The following SP110 variants were observed in gnomAD, a reference collection of about 807,000 sequenced individuals.
SP110 encodes the protein SP110 nuclear body protein.
SP110 carries 62 observed loss-of-function variants against 92.7 expected under a neutral mutation model. That is an observed-to-expected ratio of 0.67 (90% CI 0.55 to 0.83). The LOEUF is 0.83. SP110 is among the 40% of genes least tolerant of loss of function. The probability of loss-of-function intolerance (pLI) is 0.00; values close to 1 mark genes in which losing one functional copy is unlikely to be tolerated. For missense variants in SP110, 793 were observed against 863.9 expected (o/e 0.92, Z 1.03); for synonymous variants, 273 against 305.3 (o/e 0.89, Z 1.10).
At chr2:230,185,318 C>G (rs765017635) in intron 11 of SP110, among the ~76,000 whole-genome samples, 2 of 152,146 alleles carry the variant, frequency 1.3e-5, no homozygotes, top group Non-Finnish European at 2.9e-5. Context: ...GGGCTGTAGA[C>G]TTCTGAGGAG....
intron 10 of SP110, among the ~76,000 whole-genome samples, chr2:230,187,319 T>G (rs2042403732): frequency 6.6e-6 from 1 of 152,186 alleles, no homozygotes; most frequent in African/African-American, 2.4e-5. Context: ...ATATGTCTAT[T>G]AATGTCATTT....
intron 12 of SP110, among the ~76,000 whole-genome samples, 176 bp downstream of exon 12, chr2:230,183,396 G>A (rs537689876): frequency 2.0e-5 from 3 of 152,188 alleles, no homozygotes; most frequent in Non-Finnish European, 2.9e-5. Flanking sequence ...CATGCACAAG[G>A]GGGTGGGTTA....
In SP110 at chr2:230,200,952, G is replaced by A. The variant is rs1241373815; in HGVS notation, c.1062C>T (p.Gly354=). 1 of 1,612,696 alleles carries A rather than the reference G, an allele frequency of 6.2e-7. No individual in the cohort carries two copies. The change falls in exon 10 of 19, where the codon GGC becomes GGT. Residue 354 remains glycine (G), a synonymous_variant. Transcript: ENST00000258381. ...TCTTTCCTTCATTCATTTCTGAAGT[G>A]CCATCAATGATCTCTGGAAAATGAA... ...RKSRSEEIID[G]TSEMNEGKRS...
At chr2:230,222,450 C>T (rs903475350), upstream of SP110, among the ~76,000 whole-genome samples, 54 of 152,136 alleles carry the variant, frequency 3.5e-4, no homozygotes, top group African/African-American at 1.2e-3. Flanking sequence ...CCTGGAGAGT[C>T]GCTTGTGCCT....
intron 1 of SP110, among the ~76,000 whole-genome samples, chr2:230,219,352 A>G (rs563528643): frequency 6.6e-6 from 1 of 152,382 alleles, no homozygotes; most frequent in Admixed American, 6.5e-5. Context: ...TGGGAAGGTC[A>G]ACAGGTCCAA....
At chr2:230,208,207 AG>A in intron 7 of SP110, 148 bp from the exon 8 acceptor site, 2 of 615,866 alleles carry the variant, frequency 3.2e-6, no homozygotes, top group Non-Finnish European at 5.8e-6. Flanking sequence ...AGGGAGTAAT[AG>A]GGGAAGAAGG....
rs768022644 is a variant in SP110 at position 230,171,739 on chromosome 2, T to C, written c.1844A>G (p.Tyr615Cys). ...LKCEFLLLKA[Y>C]CHPQSSFFTG... ...AAAAAAGGAGCTTTGTGGATGACAGTAGGCCTTCAAGAGGAGGAACTCACA... is the reference window on the plus strand; with the variant it reads ...AAAAAAGGAGCTTTGTGGATGACAGCAGGCCTTCAAGAGGAGGAACTCACA... Residue 615 changes from tyrosine (Y) to cysteine (C), a missense_variant, in exon 17 of 19, where the codon TAC becomes TGC. Tyr to Cys is a radical substitution (Grantham distance 194). Coordinates refer to ENST00000258381, the MANE Select transcript of SP110 (RefSeq NM_080424.4). 10 of 1,613,584 alleles carry C rather than the reference T, an allele frequency of 6.2e-6. No homozygotes were observed. The highest frequency in any genetic ancestry group is 8.5e-6 in the Non-Finnish European group (10 of 1,179,494).
rs2078362461 is a variant in SP110 at position 230,169,133 on chromosome 2, A to T, written c.2133T>A (p.Thr711=). ...TCTTTACAGAACAGGGTCAAGGAAG[A>T]GTCCAGAAACCGCCGTCATTGGCTT... ...FHEANDGGFW[T]LP is the part of the protein sequence containing the mutation. Residue 711 remains threonine, a synonymous_variant, in exon 19 of 19, where the codon ACT becomes ACA. Transcript: ENST00000258381. 1 of 1,606,808 alleles carries T rather than the reference A, an allele frequency of 6.2e-7. No individual in the cohort carries two copies. The highest frequency in any genetic ancestry group is 8.5e-7 in the Non-Finnish European group (1 of 1,173,558).
chr2:230,222,157 G>T (rs2045877285), upstream of SP110, among the ~76,000 whole-genome samples: 2 of 151,788 alleles, frequency 1.3e-5, no homozygotes, highest in African/African-American at 4.8e-5. Context: ...TTGAACTCAG[G>T]AGCTGGAGGT....
At chr2:230,172,719 G>A (rs113803091) in intron 15 of SP110, 125 bp downstream of exon 15, 3 of 667,902 alleles carry the variant, frequency 4.5e-6, no homozygotes, top group Non-Finnish European at 2.7e-6. Flanking sequence ...GAGACCCAGA[G>A]AGGCCCAGAG....
intron 8 of SP110, among the ~76,000 whole-genome samples, chr2:230,207,213 C>T (rs2043965268): frequency 6.6e-6 from 1 of 152,064 alleles, no homozygotes; most frequent in African/African-American, 2.4e-5. Flanking sequence ...CAGAAAAATC[C>T]ATCATTCTAC....
chr2:230,207,895 T>A (rs996190483), intron 8 of SP110, 96 bp downstream of exon 8: 1 of 704,510 alleles, frequency 1.4e-6, no homozygotes. Context: ...GGCTTCCCAT[T>A]GCATTTAGAA....
chr2:230,202,313 G>C (rs2043261555), intron 9 of SP110, among the ~76,000 whole-genome samples: 1 of 152,120 alleles, frequency 6.6e-6, no homozygotes, highest in Non-Finnish European at 1.5e-5. Flanking sequence ...ATTTTTGAGA[G>C]CATAAAGGAG....
chr2:230,209,874 C>T, intron 7 of SP110, 57 bp downstream of exon 7: 7 of 1,021,020 alleles, frequency 6.9e-6, no homozygotes, highest in Non-Finnish European at 1.1e-5. Flanking sequence ...GTCAGAAAAA[C>T]AGAAAGCAAC....
chr2:230,172,204 G>A (rs1210979494), intron 15 of SP110, 30 bp from the exon 16 acceptor site: 1 of 1,375,852 alleles, frequency 7.3e-7, no homozygotes, highest in East Asian at 2.3e-5. Flanking sequence ...GTGAGCAGAG[G>A]GCAAAGCCCC....
chr2:230,224,363 G>A (rs938566288), upstream of SP110, among the ~76,000 whole-genome samples: 2 of 151,606 alleles, frequency 1.3e-5, no homozygotes, highest in African/African-American at 4.9e-5. Flanking sequence ...GCCCCATGGA[G>A]ACTGGGAGGA....
At chr2:230,182,530 C>G (rs1441377711) in intron 12 of SP110, among the ~76,000 whole-genome samples, 1 of 151,604 alleles carries the variant, frequency 6.6e-6, no homozygotes, top group African/African-American at 2.4e-5. Flanking sequence ...GGGGGATTCA[C>G]TTTGGGGTTG....
upstream of SP110, among the ~76,000 whole-genome samples, chr2:230,223,683 G>A (rs181155741): frequency 1.3e-5 from 2 of 152,312 alleles, no homozygotes; most frequent in Non-Finnish European, 2.9e-5. Context: ...CCCCATTAGC[G>A]TTCAGAGTCA....
chr2:230,194,704 G>A (rs548465819), intron 10 of SP110, among the ~76,000 whole-genome samples: 2 of 152,310 alleles, frequency 1.3e-5, no homozygotes, highest in African/African-American at 4.8e-5. Context: ...GGAACTGAAA[G>A]TCTGAATCCT....
Sources: gnomAD v4.1 joint callset for allele counts (sites outside exome capture counted in the v4.1 genomes callset) on GRCh38, gnomAD v4.1.1 for gene constraint, MANE v1.5 for transcripts, NCBI Gene and HGNC (gene_info 2026-07-23, HGNC 2026-07-21) for gene names.